The following PTPRD variants were observed in gnomAD, a reference collection of about 807,000 sequenced individuals.
The protein encoded by PTPRD is protein tyrosine phosphatase receptor type D, also known as receptor-type tyrosine-protein phosphatase delta.
Under a neutral mutation model 214.5 loss-of-function variants are expected in PTPRD, and 34 were observed. The ratio of observed to expected loss-of-function variants is 0.16; its 90% CI spans 0.12 to 0.21. PTPRD has a LOEUF of 0.21. PTPRD is among the 10% of genes least tolerant of loss of function. The pLI, the probability that PTPRD is intolerant of heterozygous loss-of-function variation, is 1.00. For missense variants in PTPRD, 2,545 were observed against 2,398.7 expected, an observed-to-expected ratio of 1.06 and a Z score of -1.27; for synonymous variants, 1,128 against 845.7, an observed-to-expected ratio of 1.33 and a Z score of -5.79.
chr9:10,328,678 T>C (rs1013833991), intron 3 of PTPRD, among the ~76,000 whole-genome samples: 10 of 151,924 alleles, frequency 6.6e-5, no homozygotes, highest in African/African-American at 2.2e-4. Context: ...TTACATAAGT[T>C]CAGGCCTTCA....
intron 2 of PTPRD, among the ~76,000 whole-genome samples, chr9:10,387,568 C>T (rs2097943689): frequency 6.6e-6 from 1 of 151,764 alleles, no homozygotes; most frequent in South Asian, 2.1e-4. Flanking sequence ...TGTGGATCCA[C>T]TTCACCAGGT....
chr9:10,143,065 A>T (rs946450046), intron 3 of PTPRD, among the ~76,000 whole-genome samples: 4 of 152,078 alleles, frequency 2.6e-5, no homozygotes, highest in African/African-American at 7.2e-5. Context: ...ATAGGTGGGA[A>T]TTGAACAATG....
At chr9:10,502,080 G>A (rs1320550950) in intron 2 of PTPRD, among the ~76,000 whole-genome samples, 2 of 151,880 alleles carry the variant, frequency 1.3e-5, no homozygotes, top group South Asian at 2.1e-4. Flanking sequence ...GTGTGCTATT[G>A]TGAAAGAGGT....
chr9:8,621,840 A>G (rs2095836728), intron 14 of PTPRD, among the ~76,000 whole-genome samples: 1 of 151,982 alleles, frequency 6.6e-6, no homozygotes, highest in Admixed American at 6.6e-5. Context: ...TTTAGGATAC[A>G]GGGCTCTAAT....
At chr9:10,567,916 TTTTA>T (rs1377150689) in intron 2 of PTPRD, among the ~76,000 whole-genome samples, 2 of 151,194 alleles carry the variant, frequency 1.3e-5, no homozygotes, top group African/African-American at 2.4e-5. Context: ...TATATCATTG[TTTTA>T]TTTTTTATTT....
chr9:9,460,508 A>G (rs2093552087), intron 8 of PTPRD, among the ~76,000 whole-genome samples: 1 of 152,110 alleles, frequency 6.6e-6, no homozygotes, highest in South Asian at 2.1e-4. Flanking sequence ...AATCCATTAA[A>G]AAGTGGGCAA....
intron 10 of PTPRD, among the ~76,000 whole-genome samples, chr9:9,109,815 C>T (rs2099803566): frequency 6.6e-6 from 1 of 152,012 alleles, no homozygotes; most frequent in African/African-American, 2.4e-5. Flanking sequence ...ATATGGTGGC[C>T]TTCTTGGTCT....
At chr9:9,903,145 G>A (rs549357699) in intron 5 of PTPRD, among the ~76,000 whole-genome samples, 50 of 152,118 alleles carry the variant, frequency 3.3e-4, no homozygotes, top group African/African-American at 1.1e-3. Flanking sequence ...CTAATTTGTT[G>A]AATCAAATAA....
intron 8 of PTPRD, among the ~76,000 whole-genome samples, chr9:9,412,548 G>A (rs753041830): frequency 3.9e-5 from 6 of 151,906 alleles, no homozygotes. Flanking sequence ...TACTTTCCCA[G>A]CCTCAGGCCA....
rs141098340 is a variant in PTPRD at position 9,054,370 on chromosome 9, A to G, written c.-142-35635T>C. Among the ~76,000 whole-genome samples, 4 of 152,330 alleles carry G rather than the reference A, an allele frequency of 2.6e-5. No individual in the cohort carries two copies. In the East Asian group the frequency reaches 7.7e-4, roughly 29 times the overall value. On this transcript the variant is annotated intron_variant, in intron 10 of 45. Transcript: ENST00000381196. ...TCAAAACATCTGAGACTTCTCTGGA[A>G]AGCTTAAAATTTTTTGGTATTATTC...
chr9:9,820,767 G>A (rs2050428376), intron 5 of PTPRD, among the ~76,000 whole-genome samples: 1 of 152,100 alleles, frequency 6.6e-6, no homozygotes, highest in East Asian at 1.9e-4. Context: ...ATTTTTGTCA[G>A]CTTCATTGTA....
chr9:9,861,313 C>A (rs913470648), intron 5 of PTPRD, among the ~76,000 whole-genome samples: 1 of 152,052 alleles, frequency 6.6e-6, no homozygotes, highest in African/African-American at 2.4e-5. Context: ...GTTTTTGAGA[C>A]AGAGTCTTGC....
intron 11 of PTPRD, among the ~76,000 whole-genome samples, chr9:8,873,602 T>A (rs954953988): frequency 6.6e-6 from 1 of 152,226 alleles, no homozygotes; most frequent in Non-Finnish European, 1.5e-5. Flanking sequence ...ATCTCTTTTT[T>A]AAATTTCCTT....
chr9:10,205,271 A>G (rs1070129), intron 3 of PTPRD, among the ~76,000 whole-genome samples: 1 of 151,896 alleles, frequency 6.6e-6, no homozygotes, highest in Admixed American at 6.6e-5. Flanking sequence ...CTTTAAATTT[A>G]TGTAACATAA....
chr9:10,430,888 G>C (rs1201964303), intron 2 of PTPRD, among the ~76,000 whole-genome samples: 1 of 151,776 alleles, frequency 6.6e-6, no homozygotes, highest in Admixed American at 6.6e-5. Context: ...ATAAAGAAAA[G>C]TTCAAAATGC....
chr9:9,682,869 T>C (rs1262202806), intron 7 of PTPRD, among the ~76,000 whole-genome samples: 1 of 151,758 alleles, frequency 6.6e-6, no homozygotes, highest in Non-Finnish European at 1.5e-5. Flanking sequence ...CAGGACCTCA[T>C]ATTTACAGGG....
intron 39 of PTPRD, among the ~76,000 whole-genome samples, chr9:8,349,055 A>C (rs1374934781): frequency 6.6e-6 from 1 of 152,174 alleles, no homozygotes; most frequent in African/African-American, 2.4e-5. Context: ...TATAAAAAAA[A>C]AAAATTTAAA....
At chr9:10,034,550 T>G (rs2097143674) in intron 3 of PTPRD, among the ~76,000 whole-genome samples, 1 of 151,942 alleles carries the variant, frequency 6.6e-6, no homozygotes, top group Admixed American at 6.6e-5. Flanking sequence ...CCATTAGTTA[T>G]TTTTCATGAT....
intron 7 of PTPRD, among the ~76,000 whole-genome samples, chr9:9,730,675 T>C (rs2098173276): frequency 6.6e-6 from 1 of 152,126 alleles, no homozygotes; most frequent in African/African-American, 2.4e-5. Context: ...AGTATCTCAG[T>C]ATATATAGTC....
Sources: gnomAD v4.1 joint callset for allele counts (sites outside exome capture counted in the v4.1 genomes callset) on GRCh38, gnomAD v4.1.1 for gene constraint, MANE v1.5 for transcripts, NCBI Gene and HGNC (gene_info 2026-07-23, HGNC 2026-07-21) for gene names.